GAS7: variants seen among roughly 807,000 people sequenced by gnomAD.
GAS7 encodes growth arrest-specific protein 7.
A neutral mutation model predicts 71.1 loss-of-function variants in GAS7; 28 were observed. The observed-to-expected ratio is 0.39, with a 90% confidence interval of 0.29 to 0.54. The LOEUF (loss-of-function observed/expected upper bound fraction) is 0.54. Ranked by LOEUF, GAS7 falls within the 20% of genes least tolerant of loss-of-function variation. GAS7 has a pLI of 0.62. For missense variants in GAS7, 436 were observed against 627.8 expected, an observed-to-expected ratio of 0.69 and a Z score of 3.27; for synonymous variants, 258 against 245.8, an observed-to-expected ratio of 1.05 and a Z score of -0.46.
intron 1 of GAS7, among the ~76,000 whole-genome samples, chr17:10,021,959 T>G (rs1950810129): frequency 6.6e-6 from 1 of 152,102 alleles, no homozygotes; most frequent in African/African-American, 2.4e-5. Flanking sequence ...GGTCAGGGGA[T>G]TAAAACTGAG....
chr17:10,090,189 T>C (rs1053662296), intron 1 of GAS7, among the ~76,000 whole-genome samples: 3 of 150,238 alleles, frequency 2.0e-5, no homozygotes, highest in African/African-American at 7.3e-5. Flanking sequence ...AAAAGCAGCA[T>C]GGCTGGAAAG....
chr17:9,948,763 C>T (rs750451637), intron 5 of GAS7, among the ~76,000 whole-genome samples: 3 of 152,156 alleles, frequency 2.0e-5, no homozygotes, highest in Non-Finnish European at 4.4e-5. Context: ...TTCAGGTCAT[C>T]TCAGCCTTTT....
intron 5 of GAS7, among the ~76,000 whole-genome samples, chr17:9,958,053 A>G (rs561837806): frequency 1.3e-5 from 2 of 152,204 alleles, no homozygotes; most frequent in Middle Eastern, 3.4e-3. Context: ...CTTTCCATGG[A>G]TGGACCCATT....
At chr17:10,091,226 G>A (rs1359942413) in intron 1 of GAS7, among the ~76,000 whole-genome samples, 1 of 152,158 alleles carries the variant, frequency 6.6e-6, no homozygotes, top group African/African-American at 2.4e-5. Flanking sequence ...GCAGATGGGT[G>A]GTTGTCAGGG....
chr17:10,058,753 C>A (rs147209137), intron 1 of GAS7, among the ~76,000 whole-genome samples: 1 of 152,156 alleles, frequency 6.6e-6, no homozygotes, highest in Non-Finnish European at 1.5e-5. Context: ...TCACACTGGC[C>A]GTAACATTGA....
Position 9,926,788 on chromosome 17 carries a change from C to T in GAS7, c.886-19G>A, listed in dbSNP as rs1174693441. The stretch of plus-strand genomic sequence containing the variant: ...TGTGAAGCTGTTGGGAGAGTAGAGA[C>T]GCACACTCAGGACCCAGGGCATCAG... On this transcript the variant is annotated intron_variant, in intron 9 of 13. Coordinates refer to ENST00000432992, the MANE Select transcript of GAS7 (RefSeq NM_201433.2). This position sits in a 1 kb window ranked among gnomAD's most constrained non-coding sequence, Gnocchi z 5.0. The T allele has an allele frequency of 8.1e-6, 13 of 1,613,756 alleles. No homozygotes were observed. The highest frequency in any genetic ancestry group is 1.7e-5 in the Admixed American group (1 of 60,008).
intron 1 of GAS7, among the ~76,000 whole-genome samples, chr17:10,147,098 A>G (rs1389791923): frequency 1.3e-5 from 2 of 152,244 alleles, no homozygotes; most frequent in Non-Finnish European, 2.9e-5. Context: ...AGTAAGCAAG[A>G]AAGAAGCCAA....
At chr17:9,962,114 A>G (rs1394736984) in intron 4 of GAS7, among the ~76,000 whole-genome samples, 1 of 152,098 alleles carries the variant, frequency 6.6e-6, no homozygotes, top group Non-Finnish European at 1.5e-5. Context: ...TCTCTGTTCT[A>G]TTAGCAGTGT....
chr17:9,972,308 A>C (rs1567840760), intron 3 of GAS7, among the ~76,000 whole-genome samples: 1 of 152,194 alleles, frequency 6.6e-6, no homozygotes, highest in Non-Finnish European at 1.5e-5. Context: ...GCCAAGGAGA[A>C]TCCACTCTGA....
At chr17:10,121,533 A>T (rs1275227366) in intron 1 of GAS7, among the ~76,000 whole-genome samples, 1 of 152,230 alleles carries the variant, frequency 6.6e-6, no homozygotes, top group African/African-American at 2.4e-5. Flanking sequence ...AGGCATAAGA[A>T]TACTACTTAC....
At chr17:10,127,285 CAG>C (rs1037722649) in intron 1 of GAS7, among the ~76,000 whole-genome samples, 4 of 152,180 alleles carry the variant, frequency 2.6e-5, no homozygotes, top group Non-Finnish European at 4.4e-5. Flanking sequence ...CAGCTTGCGT[CAG>C]GGGAACGCCT....
chr17:10,166,011 CTTTTTTTTTTTT>C, intron 1 of GAS7, among the ~76,000 whole-genome samples: 1 of 143,170 alleles, frequency 7.0e-6, no homozygotes, highest in South Asian at 2.2e-4. Flanking sequence ...TTTTCTTTTT[CTTTTTTTTTTTT>C]TTCTTTTTCT....
chr17:10,000,968 G>C (rs1329448317), intron 2 of GAS7, among the ~76,000 whole-genome samples: 2 of 152,124 alleles, frequency 1.3e-5, no homozygotes, highest in African/African-American at 4.8e-5. Flanking sequence ...CAGTGGCAGA[G>C]AGCACACGGG....
At chr17:10,102,777 G>T (rs117546119) in intron 1 of GAS7, among the ~76,000 whole-genome samples, 1 of 151,210 alleles carries the variant, frequency 6.6e-6, no homozygotes, top group Non-Finnish European at 1.5e-5. Flanking sequence ...TTGGTTTCCG[G>T]GTCTTTATGT....
At chr17:10,179,150 A>G (rs2142140227) in intron 1 of GAS7, among the ~76,000 whole-genome samples, 1 of 152,070 alleles carries the variant, frequency 6.6e-6, no homozygotes, top group East Asian at 1.9e-4. Context: ...ACCAACATGG[A>G]GAAACTCGGT....
At chr17:10,105,193 C>G (rs892778546) in intron 1 of GAS7, among the ~76,000 whole-genome samples, 1 of 152,076 alleles carries the variant, frequency 6.6e-6, no homozygotes, top group Admixed American at 6.6e-5. Context: ...TACCCGACGC[C>G]GTTGGTAAGG....
chr17:9,920,630 A>C (rs765993532), intron 11 of GAS7, among the ~76,000 whole-genome samples: 1 of 152,184 alleles, frequency 6.6e-6, no homozygotes. Context: ...ACTGAATCAG[A>C]GACTGCATGT....
chr17:9,985,119 G>A (rs1264349595), intron 2 of GAS7, among the ~76,000 whole-genome samples: 1 of 152,068 alleles, frequency 6.6e-6, no homozygotes, highest in Non-Finnish European at 1.5e-5. Context: ...GGTTCCCAGG[G>A]CCTGGAGATG....
At chr17:10,116,871 G>A (rs2073865876) in intron 1 of GAS7, among the ~76,000 whole-genome samples, 2 of 151,934 alleles carry the variant, frequency 1.3e-5, no homozygotes, top group African/African-American at 4.8e-5. Context: ...CAGTTTTGCT[G>A]GAAGGTGATA....
Sources: allele counts gnomAD v4.1 joint callset (sites outside exome capture counted in the v4.1 genomes callset), GRCh38; gene constraint gnomAD v4.1.1; non-coding constraint Gnocchi (gnomAD v3.1); transcripts MANE v1.5; gene names NCBI Gene and HGNC (gene_info 2026-07-23, HGNC 2026-07-21).